The following STK4 variants were observed in gnomAD, a reference collection of about 807,000 sequenced individuals.
The protein encoded by STK4 is serine/threonine kinase 4, also known as serine/threonine-protein kinase 4.
STK4 carries 30 observed loss-of-function variants against 64.9 expected under a neutral mutation model. The observed-to-expected ratio is 0.46, with a 90% confidence interval of 0.35 to 0.63. STK4 has a LOEUF of 0.63. STK4 is among the 20% of genes least tolerant of loss of function. The pLI, the probability that STK4 is intolerant of heterozygous loss-of-function variation, is 0.01. For synonymous variants in STK4, 177 were observed against 199.0 expected (o/e 0.89, Z 0.93); for missense variants, 466 against 598.5 (o/e 0.78, Z 2.31).
intron 1 of STK4, among the ~76,000 whole-genome samples, chr20:44,970,021 G>C (rs2067216055): frequency 6.6e-6 from 1 of 152,086 alleles, no homozygotes. Context: ...TCAGGCACCA[G>C]AGATGTAATA....
intron 3 of STK4, 137 bp downstream of exon 3, chr20:44,978,708 TTTTCA>T: frequency 9.8e-7 from 1 of 1,020,862 alleles, no homozygotes; most frequent in Non-Finnish European, 1.3e-6. Flanking sequence ...GTGCATTTTC[TTTTCA>T]GAAAAAAATA....
chr20:45,005,815 G>C (rs1399581415), intron 9 of STK4, among the ~76,000 whole-genome samples: 1 of 151,932 alleles, frequency 6.6e-6, no homozygotes, highest in Admixed American at 6.6e-5. Context: ...AGGATGTAAT[G>C]GGTAGCAAAC....
chr20:45,059,484 G>C lies in STK4; in HGVS notation c.1306-15534G>C, dbSNP rs1485169466. Among the ~76,000 whole-genome samples the C allele has an allele frequency of 6.6e-5, 10 of 152,244 alleles. No homozygotes were observed. In the East Asian group the frequency reaches 1.9e-3, roughly 29 times the overall value. Reference sequence around the variant, plus strand: ...CTGCAACAGTCCATTTGATAACCAGGGTGACTACTGAGTGACTGAGGGGTG... The same window carrying C: ...CTGCAACAGTCCATTTGATAACCAGCGTGACTACTGAGTGACTGAGGGGTG... On this transcript the variant is annotated intron_variant, in intron 10 of 10. Coordinates refer to ENST00000372806, the MANE Select transcript of STK4 (RefSeq NM_006282.5).
At position 45,019,972 on chromosome 20, in the gene STK4, T is replaced by C. The variant is rs139933634; in HGVS notation, c.1148-5001T>C. Reference sequence around the variant, plus strand: ...AGATAAGGTTACTGGGAAAATTACATTTCCCCACTCTTTCTGCACTTAGTT... The same window carrying C: ...AGATAAGGTTACTGGGAAAATTACACTTCCCCACTCTTTCTGCACTTAGTT... On this transcript the variant is annotated intron_variant, in intron 9 of 10. Transcript: ENST00000372806. 5.0e-3 allele frequency among the ~76,000 whole-genome samples: 767 copies of C among 152,270 alleles called. 8 individuals are homozygous for C. The highest frequency in any genetic ancestry group is 0.018 in the African/African-American group (733 of 41,556).
chr20:45,057,062 C>T (rs575646045), intron 10 of STK4, among the ~76,000 whole-genome samples: 1 of 152,356 alleles, frequency 6.6e-6, no homozygotes, highest in South Asian at 2.1e-4. Flanking sequence ...GCCAGGAGGC[C>T]TTTAGAACAC....
intron 9 of STK4, among the ~76,000 whole-genome samples, chr20:45,020,470 GTTTATGTT>G (rs556806834): frequency 0.046 from 2,500 of 54,230 alleles, 59 homozygotes; most frequent in African/African-American, 0.18. Flanking sequence ...GTGTGTGTAT[GTTTATGTT>G]TATGTTTATG....
chr20:45,038,969 A>G (rs903573651), intron 10 of STK4, among the ~76,000 whole-genome samples: 2 of 152,040 alleles, frequency 1.3e-5, no homozygotes, highest in African/African-American at 2.4e-5. Flanking sequence ...GTTGTAATAC[A>G]TTGTTCTGTT....
intron 10 of STK4, among the ~76,000 whole-genome samples, chr20:45,048,453 A>T (rs143687032): frequency 2.5e-4 from 38 of 152,232 alleles, no homozygotes; most frequent in African/African-American, 7.9e-4. Flanking sequence ...AGGAAGACCT[A>T]CACTTATTTC....
chr20:45,038,454 C>T (rs953276851), intron 10 of STK4, among the ~76,000 whole-genome samples: 7 of 151,910 alleles, frequency 4.6e-5, no homozygotes, highest in African/African-American at 1.5e-4. Context: ...GATCCAAATG[C>T]GATTTATAGG....
chr20:45,067,892 C>CATAGTTCA (rs1415529129), intron 10 of STK4, among the ~76,000 whole-genome samples: 2 of 152,198 alleles, frequency 1.3e-5, no homozygotes, highest in East Asian at 3.8e-4. Context: ...GGGTTTCTCA[C>CATAGTTCA]ATAGAGTTCA....
intron 5 of STK4, among the ~76,000 whole-genome samples, chr20:44,987,508 T>C (rs1441399925): frequency 6.6e-6 from 1 of 152,198 alleles, no homozygotes; most frequent in Admixed American, 6.6e-5. Flanking sequence ...TGTTCAACTT[T>C]TATAAAGATG....
At position 45,025,059 on chromosome 20, in the gene STK4, G is replaced by C; in HGVS notation, c.1234G>C (p.Gly412Arg). Residue 412 changes from glycine (G) to arginine (R), a missense_variant, in exon 10 of 11, where the codon GGC (glycine) becomes CGC (arginine). This residue lies in a region of STK4 where 276 missense variants were observed against 308.9 expected (regional missense o/e 0.89). Coordinates refer to ENST00000372806, the MANE Select transcript of STK4 (RefSeq NM_006282.5). ...AAAGGAAAACCAGATCAACAGCTTT[G>C]GCAAGAGTGTACCTGGTCCACTGAA... is the stretch of plus-strand genomic sequence containing the variant. ...KEKENQINSF[G>R]KSVPGPLKNS... 1 of 1,613,256 alleles carries C rather than the reference G, an allele frequency of 6.2e-7. No homozygotes were observed. Among genetic ancestry groups the C allele is most frequent in the Non-Finnish European group, 8.5e-7 (1 of 1,179,574 alleles).
chr20:44,972,480 G>T (rs1175570312), intron 2 of STK4: 1 of 186,300 alleles, frequency 5.4e-6, no homozygotes, highest in Non-Finnish European at 1.1e-5. Flanking sequence ...TGATTGGTAT[G>T]CAATAACTGT....
chr20:45,066,934 C>A (rs1257122754), intron 10 of STK4, among the ~76,000 whole-genome samples: 1 of 152,086 alleles, frequency 6.6e-6, no homozygotes, highest in Non-Finnish European at 1.5e-5. Flanking sequence ...TTGTCATCTT[C>A]TTTGATTTTT....
At chr20:44,987,009 A>C in intron 4 of STK4, 123 bp from the exon 5 acceptor site, 1 of 753,568 alleles carries the variant, frequency 1.3e-6, no homozygotes, top group Non-Finnish European at 2.1e-6. Flanking sequence ...AAGCAGTCAA[A>C]TGCTGTTCAC....
chr20:45,061,872 CT>C (rs71197598), intron 10 of STK4, among the ~76,000 whole-genome samples: 139 of 115,064 alleles, frequency 1.2e-3, no homozygotes, highest in East Asian at 2.9e-3. Context: ...TCTTCTTCTT[CT>C]TTTTTTTTTT....
At chr20:44,986,904 T>C (rs1237051520) in intron 4 of STK4, among the ~76,000 whole-genome samples, 2 of 152,184 alleles carry the variant, frequency 1.3e-5, no homozygotes, top group Admixed American at 6.5e-5. Flanking sequence ...CTTATGATGC[T>C]GGCTAGGTAT....
chr20:44,982,109 CTTTT>C (rs11475406), intron 4 of STK4, among the ~76,000 whole-genome samples, 166 bp downstream of exon 4: 1 of 98,046 alleles, frequency 1.0e-5, no homozygotes, highest in Non-Finnish European at 2.0e-5. Flanking sequence ...AGTGTGACAG[CTTTT>C]TTTTTTTTTT....
At chr20:44,987,009 A>G in intron 4 of STK4, 123 bp from the exon 5 acceptor site, 1 of 753,568 alleles carries the variant, frequency 1.3e-6, no homozygotes, top group Non-Finnish European at 2.1e-6. Flanking sequence ...AAGCAGTCAA[A>G]TGCTGTTCAC....
Sources: gnomAD v4.1 joint callset for allele counts (sites outside exome capture counted in the v4.1 genomes callset) on GRCh38, gnomAD v4.1.1 for gene constraint, gnomAD v4.1.1 regional missense constraint, MANE v1.5 for transcripts, NCBI Gene and HGNC (gene_info 2026-07-23, HGNC 2026-07-21) for gene names.